Variants in OSBPL9 observed in about 807,000 individuals in gnomAD.
OSBPL9 encodes oxysterol-binding protein-related protein 9.
A neutral mutation model predicts 106.6 loss-of-function variants in OSBPL9; 40 were observed. The ratio of observed to expected loss-of-function variants is 0.38; its 90% confidence interval spans 0.29 to 0.49. OSBPL9 has a LOEUF of 0.49. Ranked by LOEUF, OSBPL9 falls within the 20% of genes least tolerant of loss-of-function variation. The pLI, the probability that OSBPL9 is intolerant of heterozygous loss-of-function variation, is 0.97. For synonymous variants in OSBPL9, 269 were observed against 295.4 expected (o/e 0.91, Z 0.92); for missense variants, 609 against 887.2 (o/e 0.69, Z 3.98).
chr1:51,688,690 A>T (rs1461114447), intron 3 of OSBPL9, among the ~76,000 whole-genome samples: 3 of 152,200 alleles, frequency 2.0e-5, no homozygotes, highest in African/African-American at 7.2e-5. Context: ...TACTTAATGA[A>T]TTTGATTTAA....
At chr1:51,740,032 T>G (rs1666549116) in intron 4 of OSBPL9, 1 of 1,328,840 alleles carries the variant, frequency 7.5e-7, no homozygotes, top group Non-Finnish European at 1.0e-6. Flanking sequence ...GTACCTACTT[T>G]TCCTCTGTGT....
At chr1:51,748,192 A>C (rs11802463) in intron 6 of OSBPL9, among the ~76,000 whole-genome samples, 177 bp from the exon 7 acceptor site, 18,948 of 152,268 alleles carry the variant, frequency 0.12, 1,295 homozygotes, top group Middle Eastern at 0.22. Context: ...TTTTTATACA[A>C]ATAATTGATT....
the OSBPL9 span, among the ~76,000 whole-genome samples, chr1:51,559,886 G>C: frequency 6.6e-6 from 1 of 152,026 alleles, no homozygotes. Flanking sequence ...AATGCAAAGT[G>C]TATCCACATT....
At chr1:51,706,939 T>A (rs915557562) in intron 3 of OSBPL9, among the ~76,000 whole-genome samples, 27 of 152,230 alleles carry the variant, frequency 1.8e-4, no homozygotes, top group African/African-American at 6.3e-4. Flanking sequence ...GGGGACTTTA[T>A]TGATGGTACA....
intron 1 of OSBPL9, among the ~76,000 whole-genome samples, chr1:51,591,255 A>G (rs1026928000): frequency 4.6e-5 from 7 of 151,986 alleles, no homozygotes; most frequent in Non-Finnish European, 7.4e-5. Flanking sequence ...AATTTTTAAT[A>G]GAGACGAGGT....
chr1:51,589,756 G>C (rs1004311584), intron 1 of OSBPL9, among the ~76,000 whole-genome samples: 1 of 148,338 alleles, frequency 6.7e-6, no homozygotes, highest in Non-Finnish European at 1.5e-5. Context: ...GGCAGGGGCC[G>C]GGCATGGTGG....
chr1:51,595,565 A>G (rs1044811480), intron 1 of OSBPL9, among the ~76,000 whole-genome samples: 1 of 152,094 alleles, frequency 6.6e-6, no homozygotes, highest in Non-Finnish European at 1.5e-5. Context: ...TGGGGGAGGG[A>G]GGAGGAGGAG....
chr1:51,681,611 G>A (rs1020351797), intron 3 of OSBPL9, among the ~76,000 whole-genome samples: 1 of 151,846 alleles, frequency 6.6e-6, no homozygotes, highest in East Asian at 1.9e-4. Flanking sequence ...TGGAAAACAG[G>A]ATGCAGGTTT....
intron 1 of OSBPL9, among the ~76,000 whole-genome samples, chr1:51,630,281 G>A (rs1052473996): frequency 6.6e-6 from 1 of 151,958 alleles, no homozygotes; most frequent in Non-Finnish European, 1.5e-5. Flanking sequence ...AGTCTCTCCC[G>A]GCGCTGGGTC....
intron 2 of OSBPL9, among the ~76,000 whole-genome samples, chr1:51,662,030 A>G (rs1168907837): frequency 2.6e-5 from 4 of 152,220 alleles, no homozygotes; most frequent in Admixed American, 1.3e-4. Flanking sequence ...TTGAGCCAGG[A>G]CAACAGGAAT....
At chr1:51,740,059 C>G in intron 4 of OSBPL9, 1 of 1,515,340 alleles carries the variant, frequency 6.6e-7, no homozygotes, top group Non-Finnish European at 8.9e-7. Context: ...AGATTTTTCT[C>G]TTACTATTCC....
chr1:51,748,382 T>C lies in OSBPL9; in HGVS notation c.476T>C (p.Leu159Pro), dbSNP rs765937859. ...EDEQRKKIETLKETTNSMVES... is the reference protein window; with the variant it reads ...EDEQRKKIETPKETTNSMVES... ...TATTTTTCACAGAAAATTGAAACTC[T>C]CAAAGAGACAACAAATGTAAGTTAT... The change falls in exon 7 of 24, where the codon CTC becomes CCC. Residue 159 changes from leucine to proline, a missense_variant. Leu to Pro is a moderately conservative substitution (Grantham distance 98). Coordinates refer to ENST00000428468, the MANE Select transcript of OSBPL9 (RefSeq NM_024586.6). 6.6e-7 allele frequency: 1 copy of C among 1,523,758 alleles called. No individual in the cohort carries two copies. Among genetic ancestry groups the C allele is most frequent in the South Asian group, 1.3e-5 (1 of 75,194 alleles). 94.4% of individuals were successfully genotyped at this position (1,523,758 alleles called of 1,614,324 possible). A position where few individuals can be genotyped will look rare whatever the true frequency, so the allele number is the denominator to read the frequency against.
chr1:51,673,386 C>T (rs766022496), intron 3 of OSBPL9, among the ~76,000 whole-genome samples: 9 of 152,046 alleles, frequency 5.9e-5, no homozygotes, highest in African/African-American at 1.2e-4. Context: ...TAGCAGTAAC[C>T]GGAAGGGGAA....
chr1:51,692,093 G>T (rs1655090107), intron 3 of OSBPL9, among the ~76,000 whole-genome samples: 1 of 152,182 alleles, frequency 6.6e-6, no homozygotes, highest in Non-Finnish European at 1.5e-5. Flanking sequence ...GATTGCTTGA[G>T]TCCACGAGTT....
At chr1:51,711,198 G>C (rs1418225839) in intron 3 of OSBPL9, among the ~76,000 whole-genome samples, 1 of 151,096 alleles carries the variant, frequency 6.6e-6, no homozygotes, top group Non-Finnish European at 1.5e-5. Context: ...CGTCATCCTG[G>C]CCCGTTCTCA....
intron 4 of OSBPL9, among the ~76,000 whole-genome samples, chr1:51,735,923 C>T (rs1665584544): frequency 6.6e-6 from 1 of 152,214 alleles, no homozygotes; most frequent in Non-Finnish European, 1.5e-5. Flanking sequence ...AAAAATTCAG[C>T]AGCCATACAT....
At chr1:51,756,074 T>G (rs1218065710) in intron 8 of OSBPL9, among the ~76,000 whole-genome samples, 1 of 152,258 alleles carries the variant, frequency 6.6e-6, no homozygotes, top group East Asian at 1.9e-4. Context: ...ATTTCCACGA[T>G]GAACTTAGTT....
chr1:51,727,221 T>G (rs953631210), intron 4 of OSBPL9, among the ~76,000 whole-genome samples: 1 of 150,828 alleles, frequency 6.6e-6, no homozygotes, highest in Non-Finnish European at 1.5e-5. Flanking sequence ...AGGCACAACA[T>G]TAACTGCTAT....
chr1:51,707,618 T>A (rs1658874097), intron 3 of OSBPL9: 1 of 188,882 alleles, frequency 5.3e-6, no homozygotes, highest in Non-Finnish European at 1.1e-5. Context: ...TGGAGTGTGG[T>A]TATGAGTCCC....
Sources: allele counts gnomAD v4.1 joint callset (sites outside exome capture counted in the v4.1 genomes callset), GRCh38; gene constraint gnomAD v4.1.1; transcripts MANE v1.5; gene names NCBI Gene and HGNC (gene_info 2026-07-23, HGNC 2026-07-21).